The following CDH22 variants were observed in gnomAD, a reference collection of about 807,000 sequenced individuals.
CDH22 encodes cadherin 22, also known as cadherin-22.
In CDH22, 30 loss-of-function variants were observed where a neutral mutation model predicts 58.4. The observed-to-expected ratio is 0.51, with a 90% CI of 0.38 to 0.70. CDH22 has a LOEUF of 0.70. Ranked by LOEUF, CDH22 falls within the 30% of genes least tolerant of loss-of-function variation. The pLI is 0.00. For missense variants in CDH22, 1,014 were observed against 1,233.9 expected (o/e 0.82, Z 2.67); for synonymous variants, 513 against 558.2 (o/e 0.92, Z 1.14).
At chr20:46,270,338 G>A (rs2086480704) in intron 1 of CDH22, among the ~76,000 whole-genome samples, 1 of 152,176 alleles carries the variant, frequency 6.6e-6, no homozygotes, top group Non-Finnish European at 1.5e-5. Context: ...CTGCAGTGCA[G>A]TTTGGCCAAA....
At chr20:46,262,188 C>T (rs2086436187) in intron 1 of CDH22, among the ~76,000 whole-genome samples, 1 of 146,686 alleles carries the variant, frequency 6.8e-6, no homozygotes, top group Admixed American at 6.9e-5. Context: ...AGGGTGTTTG[C>T]ATCTCTGAGT....
At chr20:46,307,297 C>G (rs540586958) in intron 1 of CDH22, among the ~76,000 whole-genome samples, 74 of 152,362 alleles carry the variant, frequency 4.9e-4, no homozygotes, top group African/African-American at 1.7e-3. Flanking sequence ...GCAGCCCCGC[C>G]TGGGACAGGG....
chr20:46,267,501 G>T (rs964594930), intron 1 of CDH22, among the ~76,000 whole-genome samples: 1 of 152,204 alleles, frequency 6.6e-6, no homozygotes, highest in African/African-American at 2.4e-5. Flanking sequence ...AAGAGAGGTG[G>T]CTTGCTGAGA....
At chr20:46,258,827 C>T (rs1317335599) in intron 1 of CDH22, among the ~76,000 whole-genome samples, 1 of 152,230 alleles carries the variant, frequency 6.6e-6, no homozygotes, top group African/African-American at 2.4e-5. Context: ...GAAATATTCA[C>T]AACTTGAGGC....
Position 46,308,342 on chromosome 20 carries a change from C to A in CDH22, c.-487G>T. ...GCCCCGGCGCGGGCAGCGGGCGAGTCCGGAGCCCCGCGGCCGCCCGCAGGA... is the reference window on the plus strand; with the variant it reads ...GCCCCGGCGCGGGCAGCGGGCGAGTACGGAGCCCCGCGGCCGCCCGCAGGA... On this transcript the variant is annotated 5_prime_UTR_variant, in exon 1 of 12. Coordinates refer to ENST00000537909, the MANE Select transcript of CDH22 (RefSeq NM_021248.3). The surrounding 1 kb of genome is among the most constrained non-coding windows in gnomAD (Gnocchi z 4.3). 1 of 177,170 alleles carries A rather than the reference C, an allele frequency of 5.6e-6. No individual in the cohort carries two copies. The allele number at this position is 177,170 out of a possible 1,614,324, so 11.0% of individuals were successfully genotyped here.
intron 1 of CDH22, among the ~76,000 whole-genome samples, chr20:46,269,953 T>C (rs1347645275): frequency 6.6e-6 from 1 of 152,148 alleles, no homozygotes; most frequent in African/African-American, 2.4e-5. Flanking sequence ...GGAACCAGTA[T>C]GTAGTAGGTG....
intron 1 of CDH22, among the ~76,000 whole-genome samples, chr20:46,297,700 G>A (rs1181140833): frequency 6.6e-6 from 1 of 151,964 alleles, no homozygotes; most frequent in Non-Finnish European, 1.5e-5. Context: ...GTTCTGGGAG[G>A]GGCTCGGGGC....
At chr20:46,217,774 C>T (rs1253401813) in intron 4 of CDH22, among the ~76,000 whole-genome samples, 1 of 151,784 alleles carries the variant, frequency 6.6e-6, no homozygotes, top group Non-Finnish European at 1.5e-5. Flanking sequence ...AATACACACT[C>T]AATGATCCAC....
At chr20:46,237,948 A>T (rs2086265390) in intron 3 of CDH22, among the ~76,000 whole-genome samples, 1 of 151,902 alleles carries the variant, frequency 6.6e-6, no homozygotes, top group South Asian at 2.1e-4. Flanking sequence ...CTCAATGGGG[A>T]TGCTACCATT....
chr20:46,226,997 G>C (rs2145710575), intron 4 of CDH22, among the ~76,000 whole-genome samples: 1 of 152,332 alleles, frequency 6.6e-6, no homozygotes, highest in Non-Finnish European at 1.5e-5. Flanking sequence ...CAAGAAAGAA[G>C]CCACTCTTCC....
chr20:46,299,468 C>G (rs117835735), intron 1 of CDH22, among the ~76,000 whole-genome samples: 2 of 152,266 alleles, frequency 1.3e-5, no homozygotes, highest in African/African-American at 4.8e-5. Context: ...ACAGGAGAGA[C>G]ACAACCTTTG....
rs73312753 is a variant in CDH22, at chr20:46,176,214, C to A, written c.1916-1137G>T. ...TCTTGGAGCTCTCCTTTGGTCTCAACAGCTTTAAAAGTTCCATTTAGAAAC... is the reference window on the plus strand; with the variant it reads ...TCTTGGAGCTCTCCTTTGGTCTCAAAAGCTTTAAAAGTTCCATTTAGAAAC... On this transcript the variant is annotated intron_variant, in intron 11 of 11. Coordinates refer to ENST00000537909, the MANE Select transcript of CDH22 (RefSeq NM_021248.3). Among the ~76,000 whole-genome samples the A allele has an allele frequency of 8.8e-3, 1,336 of 152,282 alleles. 23 individuals carry two copies. Among genetic ancestry groups the A allele is most frequent in the African/African-American group, 0.029 (1,212 of 41,542 alleles).
At chr20:46,258,067 A>T (rs1476281930) in intron 1 of CDH22, among the ~76,000 whole-genome samples, 1 of 152,086 alleles carries the variant, frequency 6.6e-6, no homozygotes, top group Non-Finnish European at 1.5e-5. Context: ...TTGGATGATA[A>T]ATCATGTGAT....
At chr20:46,191,525 A>C (rs1327237853) in intron 8 of CDH22, among the ~76,000 whole-genome samples, 1 of 152,166 alleles carries the variant, frequency 6.6e-6, no homozygotes, top group Non-Finnish European at 1.5e-5. Context: ...GAAGAATGGC[A>C]ACAAACACAC....
intron 3 of CDH22, among the ~76,000 whole-genome samples, chr20:46,230,716 A>AT (rs1248808340): frequency 6.6e-6 from 1 of 152,210 alleles, no homozygotes; most frequent in Non-Finnish European, 1.5e-5. Context: ...TTTCACTTTA[A>AT]AGAGGAGGAA....
chr20:46,222,986 C>G (rs1250174400), intron 4 of CDH22, among the ~76,000 whole-genome samples: 1 of 152,234 alleles, frequency 6.6e-6, no homozygotes, highest in Non-Finnish European at 1.5e-5. Context: ...AGAGCTGGGG[C>G]TGGGAATGGC....
intron 4 of CDH22, among the ~76,000 whole-genome samples, chr20:46,222,544 G>A (rs1162583789): frequency 2.6e-5 from 4 of 152,196 alleles, no homozygotes; most frequent in South Asian, 4.1e-4. Flanking sequence ...TTGAAATCTC[G>A]GAGAACATTT....
At chr20:46,178,234 C>A in intron 10 of CDH22, 37 bp from the exon 11 acceptor site, 1 of 1,594,902 alleles carries the variant, frequency 6.3e-7, no homozygotes, top group South Asian at 1.1e-5. Flanking sequence ...TGACTTGGGG[C>A]CGGGGGTCAG....
intron 3 of CDH22, among the ~76,000 whole-genome samples, chr20:46,236,152 C>T (rs1489410965): frequency 6.6e-6 from 1 of 152,146 alleles, no homozygotes; most frequent in East Asian, 1.9e-4. Context: ...AGTATGGTCT[C>T]CATGCCAGCA....
Sources: gnomAD v4.1 joint callset for allele counts (sites outside exome capture counted in the v4.1 genomes callset) on GRCh38, gnomAD v4.1.1 for gene constraint, Gnocchi (gnomAD v3.1) non-coding constraint, MANE v1.5 for transcripts, NCBI Gene and HGNC (gene_info 2026-07-23, HGNC 2026-07-21) for gene names.